Variants in GUCY1A2 observed in about 807,000 individuals in gnomAD.
The protein encoded by GUCY1A2 is guanylate cyclase 1 soluble subunit alpha 2.
In GUCY1A2, 27 loss-of-function variants were observed where a neutral mutation model predicts 63.5. The observed-to-expected ratio is 0.43, with a 90% CI of 0.31 to 0.59. The LOEUF (loss-of-function observed/expected upper bound fraction) is 0.59. GUCY1A2 is among the 20% of genes least tolerant of loss of function. The pLI is 0.11. For missense variants in GUCY1A2, 768 were observed against 913.3 expected (o/e 0.84, Z 2.05); for synonymous variants, 364 against 343.5 (o/e 1.06, Z -0.66).
At chr11:106,891,739 G>A (rs905530733) in intron 4 of GUCY1A2, among the ~76,000 whole-genome samples, 3 of 151,938 alleles carry the variant, frequency 2.0e-5, no homozygotes, top group African/African-American at 2.4e-5. Flanking sequence ...ACCTATTTCC[G>A]AACTTTCTAT....
intron 6 of GUCY1A2, among the ~76,000 whole-genome samples, chr11:106,766,176 T>C (rs1370592449): frequency 6.6e-6 from 1 of 152,124 alleles, no homozygotes; most frequent in Non-Finnish European, 1.5e-5. Flanking sequence ...TAGTACCACA[T>C]TTGCAACTCA....
chr11:106,781,127 A>AG (rs892086435), intron 5 of GUCY1A2, among the ~76,000 whole-genome samples: 2 of 149,280 alleles, frequency 1.3e-5, no homozygotes, highest in Non-Finnish European at 3.0e-5. Context: ...AAAAAAAAAA[A>AG]AAAAAAGAAA....
At chr11:106,855,016 A>G (rs1288629547) in intron 4 of GUCY1A2, among the ~76,000 whole-genome samples, 1 of 152,130 alleles carries the variant, frequency 6.6e-6, no homozygotes, top group Non-Finnish European at 1.5e-5. Context: ...TACAGGGGTT[A>G]TAAGTGGGAC....
chr11:106,818,882 G>A (rs184039772), intron 4 of GUCY1A2, among the ~76,000 whole-genome samples: 72 of 152,176 alleles, frequency 4.7e-4, no homozygotes, highest in Admixed American at 4.7e-3. Flanking sequence ...AGAGAAAGGC[G>A]GCCTTAGATC....
At position 106,970,313 on chromosome 11, in the gene GUCY1A2, T is replaced by C. The variant is rs1347656785; in HGVS notation, c.487+8306A>G. 2.0e-5 allele frequency among the ~76,000 whole-genome samples: 3 copies of C among 152,200 alleles called. No individual in the cohort carries two copies. In the East Asian group the frequency reaches 5.8e-4, roughly 29 times the overall value. On this transcript the variant is annotated intron_variant, in intron 3 of 7. Transcript: ENST00000526355. ...TGAATAACTTCATTCCAGGAACTTATTGTTACTAAGCAAAAGAGAAAGAGT... is the reference window on the plus strand; with the variant it reads ...TGAATAACTTCATTCCAGGAACTTACTGTTACTAAGCAAAAGAGAAAGAGT...
rs116458884 is a variant in GUCY1A2, at chr11:106,833,013, A to G, written c.1207-22535T>C. On this transcript the variant is annotated intron_variant, in intron 4 of 7. Transcript: ENST00000526355. ...TTTACTGCCATATGTATTGGAGGCT[A>G]TGAGTCTGAGATCATGGTGTTGACA... is the stretch of plus-strand genomic sequence containing the variant. Among the ~76,000 whole-genome samples, 830 of 152,182 alleles carry G rather than the reference A, an allele frequency of 5.5e-3. 4 individuals carry two copies. The highest frequency in any genetic ancestry group is 0.018 in the African/African-American group (754 of 41,534).
chr11:106,790,939 TG>T (rs1380258255), intron 5 of GUCY1A2, among the ~76,000 whole-genome samples: 5 of 152,208 alleles, frequency 3.3e-5, no homozygotes, highest in African/African-American at 1.2e-4. Flanking sequence ...TAAGTTGCAC[TG>T]CCTGGGGTTG....
Position 106,768,283 on chromosome 11 carries a change from C to T in GUCY1A2, c.1836+8156G>A, listed in dbSNP as rs915406269. Among the ~76,000 whole-genome samples, 4 of 152,114 alleles carry T rather than the reference C, an allele frequency of 2.6e-5. No homozygotes were observed. The East Asian group carries it at 7.7e-4, about 29-fold the overall frequency. On this transcript the variant is annotated intron_variant, in intron 6 of 7. Transcript: ENST00000526355. ...GACTACAGGTATGCCCCCCTACCAC[C>T]ACATGCAGCTAGAATGTCTCTTACT... is the stretch of plus-strand genomic sequence containing the variant.
chr11:106,995,957 T>G lies in GUCY1A2; in HGVS notation c.304-9826A>C, dbSNP rs183033608. Among the ~76,000 whole-genome samples, 483 of 150,090 alleles carry G rather than the reference T, an allele frequency of 3.2e-3. 3 individuals carry two copies. The highest frequency in any genetic ancestry group is 0.011 in the African/African-American group (438 of 40,672). ...CTCTATTGTGCCCAGTACTTGGGAGTTTCAGTGGGGTATTTCCCAAGAAGA... is the reference window on the plus strand; with the variant it reads ...CTCTATTGTGCCCAGTACTTGGGAGGTTCAGTGGGGTATTTCCCAAGAAGA... On this transcript the variant is annotated intron_variant, in intron 1 of 7. Transcript: ENST00000526355.
At chr11:106,902,337 T>C (rs1860145607) in intron 4 of GUCY1A2, among the ~76,000 whole-genome samples, 1 of 152,198 alleles carries the variant, frequency 6.6e-6, no homozygotes, top group South Asian at 2.1e-4. Flanking sequence ...AGAATAGATT[T>C]AGCATTCTTT....
intron 6 of GUCY1A2, among the ~76,000 whole-genome samples, chr11:106,718,176 A>T (rs1863250021): frequency 6.6e-6 from 1 of 152,214 alleles, no homozygotes; most frequent in Non-Finnish European, 1.5e-5. Context: ...CACCATTCAT[A>T]GATAAATTTA....
chr11:106,806,154 G>A (rs1223517064), intron 5 of GUCY1A2, among the ~76,000 whole-genome samples: 1 of 152,010 alleles, frequency 6.6e-6, no homozygotes, highest in Non-Finnish European at 1.5e-5. Context: ...AGATACACCT[G>A]TCTGAGAAGT....
At chr11:106,869,496 C>A (rs1859643164) in intron 4 of GUCY1A2, among the ~76,000 whole-genome samples, 1 of 152,178 alleles carries the variant, frequency 6.6e-6, no homozygotes, top group Non-Finnish European at 1.5e-5. Flanking sequence ...AGCCAACAGA[C>A]ACATGAAAAA....
At chr11:106,901,428 C>T (rs934758676) in intron 4 of GUCY1A2, among the ~76,000 whole-genome samples, 16 of 152,118 alleles carry the variant, frequency 1.1e-4, no homozygotes, top group African/African-American at 3.9e-4. Flanking sequence ...TTTTGACCAC[C>T]TCCCATGAAT....
intron 4 of GUCY1A2, among the ~76,000 whole-genome samples, chr11:106,835,985 C>G (rs1859112057): frequency 6.6e-6 from 1 of 151,892 alleles, no homozygotes; most frequent in Admixed American, 6.6e-5. Flanking sequence ...AATGGAATAA[C>G]TATAATAACT....
chr11:107,004,347 T>C lies in GUCY1A2; in HGVS notation c.303+13406A>G, dbSNP rs558162497. ...TCTGAATCGAAATTTTCCTATGAGA[T>C]TTTGAAAATTTAGTGATACATATTA... On this transcript the variant is annotated intron_variant, in intron 1 of 7. Transcript: ENST00000526355. Among the ~76,000 whole-genome samples, 6 of 152,306 alleles carry C rather than the reference T, an allele frequency of 3.9e-5. No individual in the cohort carries two copies. In the East Asian group the frequency reaches 1.2e-3, roughly 29 times the overall value.
chr11:106,880,567 T>C (rs1005782643), intron 4 of GUCY1A2, among the ~76,000 whole-genome samples: 2 of 152,064 alleles, frequency 1.3e-5, no homozygotes, highest in African/African-American at 4.8e-5. Context: ...GCATATATAA[T>C]CAAGTTGCAT....
chr11:106,799,007 G>A (rs1199416039), intron 5 of GUCY1A2, among the ~76,000 whole-genome samples: 1 of 152,174 alleles, frequency 6.6e-6, no homozygotes, highest in African/African-American at 2.4e-5. Context: ...TGTATATTTA[G>A]AAAACCCCAT....
intron 1 of GUCY1A2, among the ~76,000 whole-genome samples, chr11:107,008,739 G>C (rs1252534439): frequency 6.6e-6 from 1 of 152,172 alleles, no homozygotes; most frequent in East Asian, 1.9e-4. Context: ...TGATAAGTTA[G>C]GATTCCATAG....
Sources: allele counts gnomAD v4.1 joint callset (sites outside exome capture counted in the v4.1 genomes callset), GRCh38; gene constraint gnomAD v4.1.1; transcripts MANE v1.5; gene names NCBI Gene and HGNC (gene_info 2026-07-23, HGNC 2026-07-21).